Variants in DLEC1 observed in about 807,000 individuals in gnomAD.
DLEC1 encodes the protein deleted in lung and esophageal cancer protein 1.
A neutral mutation model predicts 198.1 loss-of-function variants in DLEC1; 146 were observed. The observed-to-expected ratio is 0.74, with a 90% confidence interval of 0.64 to 0.85. The LOEUF is 0.85. Ranked by LOEUF, DLEC1 falls within the 40% of genes least tolerant of loss-of-function variation. The pLI is 0.00. For synonymous variants in DLEC1, 897 were observed against 866.8 expected (o/e 1.03, Z -0.61); for missense variants, 2,233 against 2,220.0 (o/e 1.01, Z -0.12).
intron 2 of DLEC1, among the ~76,000 whole-genome samples, chr3:38,053,043 C>T (rs936251597): frequency 2.6e-5 from 4 of 152,252 alleles, no homozygotes; most frequent in Admixed American, 6.5e-5. Context: ...CTGCCAGCCT[C>T]GGCCTCTCGA....
intron 25 of DLEC1, among the ~76,000 whole-genome samples, chr3:38,113,735 G>T (rs1192345558): frequency 6.6e-6 from 1 of 151,968 alleles, no homozygotes; most frequent in Non-Finnish European, 1.5e-5. Context: ...TAAAAGAAAA[G>T]ATTATTAAAG....
intron 6 of DLEC1, among the ~76,000 whole-genome samples, chr3:38,075,392 AG>A (rs1379603568): frequency 6.6e-6 from 1 of 152,170 alleles, no homozygotes; most frequent in Non-Finnish European, 1.5e-5. Context: ...ATTGGGGCCA[AG>A]CAGTGTTGCA....
chr3:38,071,074 C>T (rs1276223010), intron 6 of DLEC1, among the ~76,000 whole-genome samples: 1 of 151,876 alleles, frequency 6.6e-6, no homozygotes, highest in Non-Finnish European at 1.5e-5. Context: ...ATTGGGGCAG[C>T]GTGGGAACCT....
intron 6 of DLEC1, among the ~76,000 whole-genome samples, chr3:38,080,815 T>C (rs1697943259): frequency 6.7e-6 from 1 of 148,436 alleles, no homozygotes; most frequent in Non-Finnish European, 1.5e-5. Flanking sequence ...TTTTTTTTTT[T>C]TTTTTTTAAT....
At position 38,100,436 on chromosome 3, in the gene DLEC1, C is replaced by T. The variant is rs577524097; in HGVS notation, c.2864+11C>T. ...AAATGGTGCCTGGAGGTAAGGGTGC[C>T]GTGGGAAGAGCCACTACAACAAACT... On this transcript the variant is annotated intron_variant, in intron 19 of 36. Coordinates refer to ENST00000308059, the MANE Select transcript of DLEC1 (RefSeq NM_007335.4). 39 of 1,605,714 alleles carry T rather than the reference C, an allele frequency of 2.4e-5. No individual in the cohort carries two copies. The highest frequency in any genetic ancestry group is 3.3e-4 in the Middle Eastern group (2 of 6,000).
chr3:38,044,310 G>A (rs1700787313), intron 1 of DLEC1, among the ~76,000 whole-genome samples: 1 of 152,130 alleles, frequency 6.6e-6, no homozygotes, highest in Non-Finnish European at 1.5e-5. Flanking sequence ...TGCAATCCCA[G>A]CGCTTTGGGA....
In DLEC1 at chr3:38,120,507, C is replaced by CCAGA; in HGVS notation, c.4767_4770dup (p.Leu1591AspfsTer45). 1.2e-6 allele frequency: 2 copies of CCAGA among 1,614,236 alleles called. No individual in the cohort carries two copies. Among genetic ancestry groups the CCAGA allele is most frequent in the Non-Finnish European group, 1.7e-6 (2 of 1,180,028 alleles). ...TCTCCTATCAGAAGCTCCCAGCTGA[C>CCAGA]CAGACACTGCCTGGGGTGGACATTC... On this transcript the variant is annotated frameshift_variant, in exon 34 of 37. Coordinates refer to ENST00000308059, the MANE Select transcript of DLEC1 (RefSeq NM_007335.4). LOFTEE classifies it high-confidence loss of function.
chr3:38,061,367 G>T (rs1043530055), intron 3 of DLEC1, among the ~76,000 whole-genome samples: 3 of 151,994 alleles, frequency 2.0e-5, no homozygotes. Context: ...TTTTAGTAGA[G>T]ACAGGGTTTC....
intron 6 of DLEC1, among the ~76,000 whole-genome samples, chr3:38,077,859 G>A (rs985921833): frequency 7.2e-5 from 11 of 152,178 alleles, no homozygotes; most frequent in Non-Finnish European, 8.8e-5. Flanking sequence ...AATAATCCCT[G>A]AGGAGTAGTA....
chr3:38,096,262 G>A (rs972872865), intron 14 of DLEC1, among the ~76,000 whole-genome samples: 1 of 152,188 alleles, frequency 6.6e-6, no homozygotes, highest in African/African-American at 2.4e-5. Context: ...TTGCCCCCAT[G>A]GTGTAAACCT....
intron 7 of DLEC1, among the ~76,000 whole-genome samples, chr3:38,084,619 A>AGTGGTGGTAGTAGTG (rs1164137787): frequency 5.4e-5 from 4 of 74,556 alleles, no homozygotes; most frequent in Non-Finnish European, 8.7e-5. Flanking sequence ...CAGTAGCAGT[A>AGTGGTGGTAGTAGTG]CTGCTACTAC....
At chr3:38,046,716 T>G (rs1418006712) in intron 2 of DLEC1, among the ~76,000 whole-genome samples, 1 of 152,214 alleles carries the variant, frequency 6.6e-6, no homozygotes, top group Non-Finnish European at 1.5e-5. Context: ...CACAAGTGAC[T>G]CCATTTTGAT....
chr3:38,110,969 C>T (rs1416378462), intron 23 of DLEC1, among the ~76,000 whole-genome samples: 1 of 152,054 alleles, frequency 6.6e-6, no homozygotes, highest in Non-Finnish European at 1.5e-5. Context: ...TATGCACATA[C>T]ATACATGCTC....
At chr3:38,080,685 A>C (rs1021841275) in intron 6 of DLEC1, among the ~76,000 whole-genome samples, 1 of 152,022 alleles carries the variant, frequency 6.6e-6, no homozygotes, top group African/African-American at 2.4e-5. Flanking sequence ...TAAGTTCTTG[A>C]GAACACAGGC....
intron 2 of DLEC1, among the ~76,000 whole-genome samples, chr3:38,054,162 T>C (rs1696217980): frequency 6.7e-6 from 1 of 149,516 alleles, no homozygotes; most frequent in African/African-American, 2.5e-5. Flanking sequence ...CAAATCCCCC[T>C]CTCCGAGAAA....
Position 38,110,771 on chromosome 3 carries a change from GACAC to G in DLEC1, c.3443+507_3443+510del, listed in dbSNP as rs139450212. On this transcript the variant is annotated intron_variant, in intron 23 of 36. Transcript: ENST00000308059. ...CAAGATCTAGAGTGCTGCTTACACAGACACACACACACACACACACGTACATATA... is the reference window on the plus strand; with the variant it reads ...CAAGATCTAGAGTGCTGCTTACACAGACACACACACACACACGTACATATA... 9.8e-4 allele frequency among the ~76,000 whole-genome samples: 146 copies of G among 149,698 alleles called. 2 individuals are homozygous for G. Among genetic ancestry groups the G allele is most frequent in the South Asian group, 5.9e-3 (28 of 4,752 alleles).
chr3:38,083,407 G>C (rs1698166511), intron 6 of DLEC1, among the ~76,000 whole-genome samples: 1 of 152,132 alleles, frequency 6.6e-6, no homozygotes, highest in South Asian at 2.1e-4. Flanking sequence ...GGAGCTTTTT[G>C]AGCCAGGATT....
At chr3:38,121,513 A>T (rs1288853447) in intron 34 of DLEC1, 115 bp from the exon 35 acceptor site, 2 of 1,370,324 alleles carry the variant, frequency 1.5e-6, no homozygotes, top group Non-Finnish European at 2.0e-6. Flanking sequence ...AACTTCTGGG[A>T]GCTTCCCGTT....
rs745512889 is a variant in DLEC1, at chr3:38,120,454, G to C, written c.4711G>C (p.Val1571Leu). Residue 1571 changes from valine (V) to leucine (L), a missense_variant, in exon 34 of 37, where the codon GTG (valine) becomes CTG (leucine). Val to Leu is a conservative substitution (Grantham distance 32, BLOSUM62 1). Coordinates refer to ENST00000308059, the MANE Select transcript of DLEC1 (RefSeq NM_007335.4). ...LQAQENMLVN[V>L]SFSLSLELLS... ...CATGTCCACATCTGCTCAGGTGAAC[G>C]TGTCCTTCTCACTCTCCCTGGAGCT... 1 of 1,614,184 alleles carries C rather than the reference G, an allele frequency of 6.2e-7. No individual in the cohort carries two copies.
Sources: allele counts gnomAD v4.1 joint callset (sites outside exome capture counted in the v4.1 genomes callset), GRCh38; gene constraint gnomAD v4.1.1; transcripts MANE v1.5; gene names NCBI Gene and HGNC (gene_info 2026-07-23, HGNC 2026-07-21).